UCK2: variants seen among roughly 807,000 people sequenced by gnomAD.
The protein encoded by UCK2 is cytidine monophosphokinase 2.
In UCK2, 6 loss-of-function variants were observed where a neutral mutation model predicts 30.8. The ratio of observed to expected loss-of-function variants is 0.19; its 90% CI spans 0.11 to 0.38. The LOEUF is 0.38. UCK2 is among the 10% of genes least tolerant of loss of function. The pLI is 1.00. For missense variants in UCK2, 210 were observed against 339.8 expected (o/e 0.62, Z 3.00); for synonymous variants, 125 against 133.6 (o/e 0.94, Z 0.45).
chr1:165,900,013 A>G lies in UCK2; in HGVS notation c.500-3169A>G, dbSNP rs117947721. On this transcript the variant is annotated intron_variant, in intron 4 of 6. Transcript: ENST00000367879. ...GGAAGCTGTAGTGGGACTATTCCCT[A>G]TCTTCCTTGCTTTTTTTCCTTCCTC... Among the ~76,000 whole-genome samples the G allele has an allele frequency of 8.9e-3, 1,356 of 152,214 alleles. 36 individuals are homozygous for G. The highest frequency in any genetic ancestry group is 0.057 in the Admixed American group (873 of 15,286).
intron 1 of UCK2, among the ~76,000 whole-genome samples, chr1:165,888,698 G>A (rs1288791165): frequency 7.6e-6 from 1 of 131,840 alleles, no homozygotes; most frequent in Non-Finnish European, 1.5e-5. Context: ...GCCCAGGCTG[G>A]TCTCGAATTC....
At position 165,883,914 on chromosome 1, in the gene UCK2, C is replaced by T. The variant is rs79013946; in HGVS notation, c.100-6290C>T. Among the ~76,000 whole-genome samples, 498 of 152,264 alleles carry T rather than the reference C, an allele frequency of 3.3e-3. 3 individuals carry two copies. The highest frequency in any genetic ancestry group is 0.011 in the African/African-American group (469 of 41,548). On this transcript the variant is annotated intron_variant, in intron 1 of 6. Coordinates refer to ENST00000367879, the MANE Select transcript of UCK2 (RefSeq NM_012474.5). ...GGAAGTTGAGCCAGCAGGTTTGAAC[C>T]TTGTTCTTAGTTTTAAACCAGGGCA...
At chr1:165,832,479 A>C (rs1359906696) in intron 1 of UCK2, among the ~76,000 whole-genome samples, 1 of 152,216 alleles carries the variant, frequency 6.6e-6, no homozygotes, top group Non-Finnish European at 1.5e-5. Flanking sequence ...TCACTTTATC[A>C]TTAAAGCATT....
chr1:165,872,020 A>G (rs1303734519), intron 1 of UCK2, among the ~76,000 whole-genome samples: 4 of 138,286 alleles, frequency 2.9e-5, no homozygotes, highest in Non-Finnish European at 6.2e-5. Context: ...AGGCATATAC[A>G]TAGTCTTTTT....
chr1:165,831,794 C>T (rs1329303241), intron 1 of UCK2, among the ~76,000 whole-genome samples: 1 of 152,110 alleles, frequency 6.6e-6, no homozygotes, highest in Non-Finnish European at 1.5e-5. Flanking sequence ...GAGATGGAAT[C>T]TCACTCTGTC....
At chr1:165,855,597 C>T (rs1571274088) in intron 1 of UCK2, among the ~76,000 whole-genome samples, 1 of 150,720 alleles carries the variant, frequency 6.6e-6, no homozygotes, top group Non-Finnish European at 1.5e-5. Flanking sequence ...GTTGGACATT[C>T]CCGGGTTTCT....
At chr1:165,868,608 A>T (rs985168084) in intron 1 of UCK2, among the ~76,000 whole-genome samples, 2 of 152,318 alleles carry the variant, frequency 1.3e-5, no homozygotes, top group East Asian at 3.9e-4. Context: ...GTTAGCTTCA[A>T]ACTTTTCTTG....
At chr1:165,887,018 C>A (rs1170201613) in intron 1 of UCK2, among the ~76,000 whole-genome samples, 1 of 152,210 alleles carries the variant, frequency 6.6e-6, no homozygotes, top group African/African-American at 2.4e-5. Flanking sequence ...TAAAGGGCTT[C>A]TTCTGCCTTG....
chr1:165,890,147 C>T lies in UCK2; in HGVS notation c.100-57C>T, dbSNP rs1385990191. ...TCAGCTTGGTTACTCTCGGGACTTC[C>T]TCTGTACCACACGTGCCCTTTCTCT... On this transcript the variant is annotated intron_variant, in intron 1 of 6. Transcript: ENST00000367879. The T allele has an allele frequency of 4.4e-6, 7 of 1,600,374 alleles. No individual in the cohort carries two copies. In the African/African-American group the frequency reaches 8.0e-5, roughly 18 times the overall value.
chr1:165,872,971 C>T (rs140407719), intron 1 of UCK2, among the ~76,000 whole-genome samples: 4 of 152,188 alleles, frequency 2.6e-5, no homozygotes, highest in Middle Eastern at 3.4e-3. Flanking sequence ...TTTTGCATCA[C>T]GTTGGAGATG....
At chr1:165,885,251 G>C (rs1655590058) in intron 1 of UCK2, 2 of 394,618 alleles carry the variant, frequency 5.1e-6, no homozygotes, top group South Asian at 2.7e-4. Context: ...TTGAGACTCA[G>C]CTTTGGGACT....
At chr1:165,869,731 C>A (rs1260001192) in intron 1 of UCK2, among the ~76,000 whole-genome samples, 2 of 124,502 alleles carry the variant, frequency 1.6e-5, no homozygotes, top group African/African-American at 6.2e-5. Flanking sequence ...TGCAGTGTGT[C>A]GTGATCATAG....
At position 165,828,112 on chromosome 1, in the gene UCK2, C is replaced by T. The variant is rs7518418; in HGVS notation, c.99+180C>T. 0.076 allele frequency among the ~76,000 whole-genome samples: 11,513 copies of T among 151,226 alleles called. 1,181 individuals carry two copies. Among genetic ancestry groups the T allele is most frequent in the African/African-American group, 0.23 (9,472 of 41,338 alleles). On this transcript the variant is annotated intron_variant, in intron 1 of 6. Transcript: ENST00000367879. ...CGGCCTGGGGGCGCTGCGGCGGGGG[C>T]AGGCGAAGACTCGGGCCTTGGGGGT... is the stretch of plus-strand genomic sequence containing the variant.
At chr1:165,849,656 T>C (rs768209500) in intron 1 of UCK2, among the ~76,000 whole-genome samples, 20 of 152,156 alleles carry the variant, frequency 1.3e-4, no homozygotes, top group Non-Finnish European at 2.9e-4. Flanking sequence ...TAAAACAGAG[T>C]TCCTTTTTCC....
intron 1 of UCK2, among the ~76,000 whole-genome samples, chr1:165,888,950 G>A (rs1462797648): frequency 2.0e-5 from 3 of 152,092 alleles, no homozygotes; most frequent in Non-Finnish European, 4.4e-5. Flanking sequence ...GTTTCATAAT[G>A]TTCCTTTTAC....
At position 165,827,758 on chromosome 1, in the gene UCK2, A is replaced by T. The variant is rs1653923528; in HGVS notation, c.-76A>T. 1.6e-6 allele frequency: 2 copies of T among 1,231,770 alleles called. No homozygotes were observed. Among genetic ancestry groups the T allele is most frequent in the Admixed American group, 8.2e-5 (2 of 24,518 alleles). The allele number at this position is 1,231,770 out of a possible 1,614,324, so 76.3% of individuals were successfully genotyped here. A position where few individuals can be genotyped will look rare whatever the true frequency, so the allele number is the denominator to read the frequency against. ...GCCCAGCGGCGGCTGCGGAAAGCGG[A>T]GGGAGTCCGACGCGGGCGCGGGCGG... is the stretch of plus-strand genomic sequence containing the variant. On this transcript the variant is annotated 5_prime_UTR_variant, in exon 1 of 7. Coordinates refer to ENST00000367879, the MANE Select transcript of UCK2 (RefSeq NM_012474.5).
At chr1:165,896,018 G>A (rs975530824) in intron 3 of UCK2, 172 bp from the exon 4 acceptor site, 3 of 793,976 alleles carry the variant, frequency 3.8e-6, no homozygotes, top group East Asian at 2.5e-5. Flanking sequence ...TGGCTCTTTG[G>A]TGGTGGTCCG....
At chr1:165,888,408 C>T (rs183599702) in intron 1 of UCK2, among the ~76,000 whole-genome samples, 52 of 152,088 alleles carry the variant, frequency 3.4e-4, no homozygotes, top group African/African-American at 1.2e-3. Context: ...TTTCCTGGCT[C>T]AGCCTCCCGA....
At chr1:165,858,443 A>G (rs923005937) in intron 1 of UCK2, among the ~76,000 whole-genome samples, 2 of 152,178 alleles carry the variant, frequency 1.3e-5, no homozygotes, top group African/African-American at 4.8e-5. Context: ...AGCCTTGCCT[A>G]CATTAGCTCG....
Sources: allele counts gnomAD v4.1 joint callset (sites outside exome capture counted in the v4.1 genomes callset), GRCh38; gene constraint gnomAD v4.1.1; transcripts MANE v1.5; gene names NCBI Gene and HGNC (gene_info 2026-07-23, HGNC 2026-07-21).